The following NDST4 variants were observed in gnomAD, a reference collection of about 807,000 sequenced individuals.
NDST4 encodes N-deacetylase and N-sulfotransferase 4.
A neutral mutation model predicts 100.8 loss-of-function variants in NDST4; 63 were observed. That is an observed-to-expected ratio of 0.62 (90% CI 0.51 to 0.77). NDST4 has a LOEUF of 0.77. NDST4 is among the 30% of genes least tolerant of loss of function. The pLI is 0.00. For missense variants in NDST4, 943 were observed against 1,018.4 expected (o/e 0.93, Z 1.01); for synonymous variants, 377 against 361.8 (o/e 1.04, Z -0.48).
In NDST4 at chr4:115,075,784, G is replaced by GAAAA. The variant is rs56658909; in HGVS notation, c.978+271_978+274dup. On this transcript the variant is annotated intron_variant, in intron 2 of 13. Coordinates refer to ENST00000264363, the MANE Select transcript of NDST4 (RefSeq NM_022569.3). ...GGGCGACAGAGCAAGAGTCTGTTCA[G>GAAAA]AAAAAAAAAAAAAAAAAAAGGCAAA... Among the ~76,000 whole-genome samples, 587 of 87,420 alleles carry GAAAA rather than the reference G, an allele frequency of 6.7e-3. 26 individuals carry two copies. Among genetic ancestry groups the GAAAA allele is most frequent in the Middle Eastern group, 0.027 (3 of 110 alleles). 57.4% of individuals were successfully genotyped at this position (87,420 alleles called of 152,430 possible).
chr4:115,078,894 A>G (rs1221559906), intron 1 of NDST4, among the ~76,000 whole-genome samples: 1 of 151,996 alleles, frequency 6.6e-6, no homozygotes, highest in Admixed American at 6.6e-5. Context: ...AACAACCTAT[A>G]CTGGGATACA....
intron 7 of NDST4, among the ~76,000 whole-genome samples, chr4:114,857,052 A>T (rs1183521248): frequency 6.6e-6 from 1 of 152,188 alleles, no homozygotes; most frequent in Non-Finnish European, 1.5e-5. Flanking sequence ...GCTGAAGTAC[A>T]AGCCACCCTC....
At chr4:115,059,164 A>G (rs1247670926) in intron 2 of NDST4, among the ~76,000 whole-genome samples, 2 of 152,058 alleles carry the variant, frequency 1.3e-5, no homozygotes, top group Admixed American at 6.6e-5. Context: ...AAACAAAGCA[A>G]TCAACTGAAT....
At chr4:114,952,393 G>A (rs1726036234) in intron 4 of NDST4, among the ~76,000 whole-genome samples, 1 of 151,948 alleles carries the variant, frequency 6.6e-6, no homozygotes, top group Non-Finnish European at 1.5e-5. Flanking sequence ...TGGGTGGGAG[G>A]GTCTGCTATT....
rs1348507559 is a variant in NDST4 at position 115,112,199 on chromosome 4, TG to T, written c.-247+1244del. Among the ~76,000 whole-genome samples the T allele has an allele frequency of 2.7e-4, 39 of 143,330 alleles. 1 individual carries two copies. The highest frequency in any genetic ancestry group is 1.5e-3 in the Admixed American group (22 of 14,410). The allele number at this position is 143,330 out of a possible 152,430, so 94.0% of individuals were successfully genotyped here. On this transcript the variant is annotated intron_variant, in intron 1 of 13. Transcript: ENST00000264363. ...AGTAGAATAAATTACTCTTTTGATA[TG>T]AAAAAAAAAAAAAAACCTTTACATC...
intron 4 of NDST4, among the ~76,000 whole-genome samples, chr4:114,952,885 C>T (rs1726048843): frequency 6.6e-6 from 1 of 151,966 alleles, no homozygotes; most frequent in Non-Finnish European, 1.5e-5. Flanking sequence ...GATCTCAATA[C>T]CTAAAGGTGA....
intron 6 of NDST4, among the ~76,000 whole-genome samples, chr4:114,909,426 C>T (rs1328356500): frequency 1.3e-5 from 2 of 149,920 alleles, no homozygotes; most frequent in South Asian, 4.2e-4. Context: ...TTTGGGAGGC[C>T]GAGGCGGGTG....
chr4:115,019,382 C>A (rs1727758353), intron 2 of NDST4, among the ~76,000 whole-genome samples: 2 of 152,020 alleles, frequency 1.3e-5, no homozygotes, highest in African/African-American at 4.8e-5. Flanking sequence ...CCAGGACATA[C>A]CCCAAAGAAA....
chr4:114,902,899 T>C (rs1032966556), intron 6 of NDST4, among the ~76,000 whole-genome samples: 1 of 152,104 alleles, frequency 6.6e-6, no homozygotes, highest in South Asian at 2.1e-4. Flanking sequence ...GTGTTTTTGG[T>C]CTTCAGCATT....
intron 11 of NDST4, among the ~76,000 whole-genome samples, chr4:114,838,030 A>C (rs1222557894): frequency 6.6e-6 from 1 of 152,230 alleles, no homozygotes; most frequent in African/African-American, 2.4e-5. Context: ...GACACTTCTC[A>C]AAAGAAGACA....
At chr4:114,848,176 G>A (rs753682355) in intron 9 of NDST4, 39 bp downstream of exon 9, 1 of 1,548,578 alleles carries the variant, frequency 6.5e-7, no homozygotes, top group Non-Finnish European at 8.8e-7. Context: ...GATTGAGCAT[G>A]TGTTAATAAT....
At chr4:114,981,278 A>G (rs1726766742) in intron 2 of NDST4, among the ~76,000 whole-genome samples, 1 of 151,940 alleles carries the variant, frequency 6.6e-6, no homozygotes, top group Non-Finnish European at 1.5e-5. Context: ...AGAAAGCAGG[A>G]AAAAGAATGA....
intron 2 of NDST4, among the ~76,000 whole-genome samples, chr4:114,984,584 T>G (rs976151159): frequency 2.0e-5 from 3 of 152,212 alleles, no homozygotes; most frequent in Non-Finnish European, 2.9e-5. Context: ...TTATTTATCC[T>G]AAGTAGATTA....
At chr4:114,919,977 A>G (rs1725255119) in intron 6 of NDST4, among the ~76,000 whole-genome samples, 2 of 152,176 alleles carry the variant, frequency 1.3e-5, no homozygotes, top group African/African-American at 2.4e-5. Flanking sequence ...TCTTGGTATT[A>G]TTGGGAAGTT....
intron 2 of NDST4, among the ~76,000 whole-genome samples, chr4:115,041,891 A>G (rs1191210013): frequency 6.6e-6 from 1 of 152,130 alleles, no homozygotes; most frequent in Non-Finnish European, 1.5e-5. Context: ...TTATGAAGAA[A>G]TGACTTCTTG....
In NDST4 at chr4:114,871,033, C is replaced by T. The variant is rs1035368491; in HGVS notation, c.1537-83G>A. ...AGTACAAGCCCCAGGCAGCACCTCA[C>T]CTCACCTTGGAATTTCACAAGAAGT... On this transcript the variant is annotated intron_variant, in intron 6 of 13. Transcript: ENST00000264363. 6 of 915,198 alleles carry T rather than the reference C, an allele frequency of 6.6e-6. No individual in the cohort carries two copies. The Admixed American group carries it at 1.0e-4, about 16-fold the overall frequency. 56.7% of individuals were successfully genotyped at this position (915,198 alleles called of 1,614,324 possible).
intron 2 of NDST4, among the ~76,000 whole-genome samples, chr4:115,032,779 A>G (rs879872612): frequency 1.3e-5 from 2 of 152,168 alleles, no homozygotes; most frequent in Admixed American, 1.3e-4. Flanking sequence ...ATGTTATAGA[A>G]GTTTGAGGTT....
chr4:115,091,869 TTAAAG>T (rs1188973083), intron 1 of NDST4, among the ~76,000 whole-genome samples: 2 of 152,192 alleles, frequency 1.3e-5, no homozygotes, highest in African/African-American at 4.8e-5. Context: ...TTAAAATTTG[TTAAAG>T]TATTTTTTGG....
intron 2 of NDST4, among the ~76,000 whole-genome samples, chr4:114,999,225 C>G (rs916565080): frequency 2.1e-4 from 32 of 152,018 alleles, no homozygotes; most frequent in African/African-American, 7.7e-4. Flanking sequence ...GGTAATAGAA[C>G]AGCTGTTATG....
Sources: allele counts gnomAD v4.1 joint callset (sites outside exome capture counted in the v4.1 genomes callset), GRCh38; gene constraint gnomAD v4.1.1; transcripts MANE v1.5; gene names NCBI Gene and HGNC (gene_info 2026-07-23, HGNC 2026-07-21).